Variants in MORN1 observed in about 807,000 individuals in gnomAD.
The protein encoded by MORN1 is MORN repeat-containing protein 1.
MORN1 carries 67 observed loss-of-function variants against 61.9 expected under a neutral mutation model. The ratio of observed to expected loss-of-function variants is 1.08; its 90% confidence interval spans 0.89 to 1.33. MORN1 has a LOEUF of 1.33. Among genes scored for constraint, MORN1 ranks in the 40% most tolerant of loss-of-function variants. The pLI, the probability that MORN1 is intolerant of heterozygous loss-of-function variation, is 0.00. For missense variants in MORN1, 752 were observed against 691.2 expected, an observed-to-expected ratio of 1.09 and a Z score of -0.99; for synonymous variants, 301 against 292.0, an observed-to-expected ratio of 1.03 and a Z score of -0.31.
At chr1:2,354,565 C>T (rs2100297879) in intron 10 of MORN1, among the ~76,000 whole-genome samples, 1 of 152,242 alleles carries the variant, frequency 6.6e-6, no homozygotes, top group African/African-American at 2.4e-5. Flanking sequence ...AAAGTAGAAG[C>T]CTACGGGAGT....
At chr1:2,385,518 C>A in intron 5 of MORN1, 1 of 381,640 alleles carries the variant, frequency 2.6e-6, no homozygotes. Flanking sequence ...CACTTTGCCG[C>A]CAGCCTGACG....
intron 1 of MORN1, chr1:2,390,596 T>C (rs949848008): frequency 5.1e-6 from 5 of 985,164 alleles, no homozygotes; most frequent in Non-Finnish European, 6.0e-6. Context: ...GCAGGGTTTA[T>C]GGGAAAATGT....
At chr1:2,343,658 T>C (rs1641449261) in intron 10 of MORN1, among the ~76,000 whole-genome samples, 1 of 152,140 alleles carries the variant, frequency 6.6e-6, no homozygotes, top group Non-Finnish European at 1.5e-5. Flanking sequence ...GGAGCCACCC[T>C]GCCACAGCTG....
chr1:2,323,061 G>A (rs145671968), intron 13 of MORN1: 59 of 985,290 alleles, frequency 6.0e-5, no homozygotes, highest in Admixed American at 1.2e-4. Context: ...AACCCTGGCC[G>A]AGCGGCTGCG....
intron 10 of MORN1, among the ~76,000 whole-genome samples, chr1:2,353,464 G>A (rs1641695677): frequency 6.6e-6 from 1 of 152,220 alleles, no homozygotes; most frequent in South Asian, 2.1e-4. Context: ...GAGGGTCTCC[G>A]GGAGCTGCCT....
chr1:2,359,275 C>T (rs1641843193), intron 8 of MORN1, among the ~76,000 whole-genome samples: 1 of 152,190 alleles, frequency 6.6e-6, no homozygotes, highest in South Asian at 2.1e-4. Flanking sequence ...ACTAAGGTAC[C>T]CAGCACAGGG....
chr1:2,383,723 C>A (rs1035856279), intron 6 of MORN1, among the ~76,000 whole-genome samples: 78 of 152,204 alleles, frequency 5.1e-4, no homozygotes, highest in Non-Finnish European at 7.3e-5. Flanking sequence ...GCTCAGGGGG[C>A]CCCTCACAGC....
chr1:2,385,291 C>G, intron 5 of MORN1: 1 of 578,478 alleles, frequency 1.7e-6, no homozygotes, highest in Admixed American at 3.2e-5. Flanking sequence ...TAGGCCTGCT[C>G]GGGACGCACT....
intron 3 of MORN1, 80 bp downstream of exon 3, chr1:2,388,159 C>T: frequency 1.8e-6 from 2 of 1,112,010 alleles, no homozygotes; most frequent in Non-Finnish European, 2.7e-6. Flanking sequence ...GTCACGCCTT[C>T]TGCATCTAGA....
At chr1:2,358,309 C>T (rs1641818783) in intron 9 of MORN1, among the ~76,000 whole-genome samples, 2 of 152,154 alleles carry the variant, frequency 1.3e-5, no homozygotes, top group Admixed American at 1.3e-4. Flanking sequence ...GATGTCTCCA[C>T]TCCAGACACG....
intron 10 of MORN1, among the ~76,000 whole-genome samples, chr1:2,356,788 G>A (rs897152767): frequency 1.3e-5 from 2 of 152,188 alleles, no homozygotes; most frequent in Non-Finnish European, 2.9e-5. Context: ...TGCACTGCTC[G>A]CTGCACCGGA....
intron 12 of MORN1, among the ~76,000 whole-genome samples, chr1:2,335,848 C>G (rs555195596): frequency 6.6e-6 from 1 of 151,146 alleles, no homozygotes; most frequent in East Asian, 1.9e-4. Flanking sequence ...CAGCCCAGCG[C>G]GCAGCTGCCC....
At chr1:2,377,363 G>T (rs1642264666) in intron 6 of MORN1, 1 of 152,306 alleles carries the variant, frequency 6.6e-6, no homozygotes, top group African/African-American at 2.4e-5. Flanking sequence ...GGTGTCCTCT[G>T]TGAGGGGCCC....
chr1:2,322,370 G>A, intron 13 of MORN1: 1 of 985,430 alleles, frequency 1.0e-6, no homozygotes, highest in South Asian at 4.7e-5. Flanking sequence ...ATGGGGGCAG[G>A]AGTCGGCTCA....
In MORN1 at chr1:2,357,613, G is replaced by A. The variant is rs765194846; in HGVS notation, c.870-15C>T. 5 of 1,574,172 alleles carry A rather than the reference G, an allele frequency of 3.2e-6. No homozygotes were observed. Among genetic ancestry groups the A allele is most frequent in the Non-Finnish European group, 4.3e-6 (5 of 1,156,248 alleles). On this transcript the variant is annotated splice_polypyrimidine_tract_variant and intron_variant, in intron 9 of 13. Transcript: ENST00000378531. This position sits in a 1 kb window ranked among gnomAD's most constrained non-coding sequence, Gnocchi z 6.3. ...ATTCGAACCCACTGCAAAGGAATGG[G>A]GGCAGCTTGGCTCTACTCACCCCAC... is the stretch of plus-strand genomic sequence containing the variant.
In MORN1 at chr1:2,321,542, CGG is replaced by C. The variant is rs1257251470; in HGVS notation, c.1333_1334del (p.Pro445AlafsTer33). The C allele has an allele frequency of 6.5e-7, 1 of 1,527,340 alleles. No individual in the cohort carries two copies. The highest frequency in any genetic ancestry group is 1.2e-5 in the South Asian group (1 of 81,022). 94.6% of individuals were successfully genotyped at this position (1,527,340 alleles called of 1,614,324 possible). ...YVLMIRDVTTPPFLGRRLPPA... is the reference protein window; with the variant it reads ...YVLMIRDVTTXPFLGRRLPPA... The stretch of plus-strand genomic sequence containing the variant: ...GGGGCAGCCTGCGCCCCAGGAACGG[CGG>C]GGTGGTCACGTCGCGGATCATGAGC... On this transcript the variant is annotated frameshift_variant, in exon 14 of 14. Transcript: ENST00000378531. LOFTEE classifies it low-confidence loss of function (END_TRUNC).
At chr1:2,336,883 G>A (rs1304439785) in intron 10 of MORN1, 33 bp from the exon 11 acceptor site, 1 of 1,521,894 alleles carries the variant, frequency 6.6e-7, no homozygotes, top group South Asian at 1.3e-5. Flanking sequence ...GACCCTATGA[G>A]GGGCTCAGGG....
chr1:2,385,972 C>T (rs1383947549), intron 4 of MORN1, 75 bp from the exon 5 acceptor site: 1 of 1,345,478 alleles, frequency 7.4e-7, no homozygotes, highest in East Asian at 2.3e-5. Flanking sequence ...CCCTCCGCTC[C>T]TTGGAGGGCG....
chr1:2,351,622 G>T, intron 10 of MORN1: 1 of 304,050 alleles, frequency 3.3e-6, no homozygotes, highest in Non-Finnish European at 6.3e-6. Flanking sequence ...CAGTGAGTGT[G>T]GCGCCCCCAG....
Sources: allele counts gnomAD v4.1 joint callset (sites outside exome capture counted in the v4.1 genomes callset), GRCh38; gene constraint gnomAD v4.1.1; non-coding constraint Gnocchi (gnomAD v3.1); transcripts MANE v1.5; gene names NCBI Gene and HGNC (gene_info 2026-07-23, HGNC 2026-07-21).